The following SUPT3H variants were observed in gnomAD, a reference collection of about 807,000 sequenced individuals.
SUPT3H encodes the protein SPT3 homolog, SAGA and STAGA complex component, also known as transcription initiation protein SPT3 homolog.
In SUPT3H, 44 loss-of-function variants were observed where a neutral mutation model predicts 44.3. The ratio of observed to expected loss-of-function variants is 0.99; its 90% CI spans 0.78 to 1.28. The LOEUF is 1.28. SUPT3H is among the 50% of genes most tolerant of loss of function. The pLI, the probability that SUPT3H is intolerant of heterozygous loss-of-function variation, is 0.00. For missense variants in SUPT3H, 380 were observed against 387.1 expected, an observed-to-expected ratio of 0.98 and a Z score of 0.15; for synonymous variants, 124 against 125.6, an observed-to-expected ratio of 0.99 and a Z score of 0.09.
chr6:45,101,572 G>A (rs570062840), intron 3 of SUPT3H, among the ~76,000 whole-genome samples: 1 of 152,244 alleles, frequency 6.6e-6, no homozygotes, highest in East Asian at 1.9e-4. Context: ...AATTTCTCGG[G>A]TTCCATAGCA....
chr6:45,051,870 G>A (rs913313855), intron 3 of SUPT3H, among the ~76,000 whole-genome samples: 4 of 152,186 alleles, frequency 2.6e-5, no homozygotes, highest in African/African-American at 9.7e-5. Flanking sequence ...TTACACAGGA[G>A]TTGCAGTCAT....
downstream of SUPT3H, among the ~76,000 whole-genome samples, chr6:44,823,395 G>A (rs997233481): frequency 6.6e-6 from 1 of 152,120 alleles, no homozygotes; most frequent in African/African-American, 2.4e-5. Context: ...ACCTAGGAAA[G>A]AAGAGGCAGA....
chr6:45,219,874 A>G (rs558534267), intron 2 of SUPT3H, among the ~76,000 whole-genome samples: 2 of 151,860 alleles, frequency 1.3e-5, no homozygotes, highest in Non-Finnish European at 2.9e-5. Flanking sequence ...CCCTGTCTCC[A>G]TTAAAAATAA....
At chr6:44,988,375 A>T (rs2153495159) in intron 6 of SUPT3H, among the ~76,000 whole-genome samples, 1 of 151,858 alleles carries the variant, frequency 6.6e-6, no homozygotes, top group East Asian at 1.9e-4. Flanking sequence ...CAACAAAACA[A>T]CTAAAATACC....
chr6:45,139,002 T>C (rs1583776466), intron 2 of SUPT3H, among the ~76,000 whole-genome samples: 2 of 152,190 alleles, frequency 1.3e-5, no homozygotes, highest in Non-Finnish European at 2.9e-5. Flanking sequence ...GGCACTGCTG[T>C]CATCTTAAAT....
chr6:45,101,119 C>T (rs1798509918), intron 3 of SUPT3H, among the ~76,000 whole-genome samples: 1 of 152,142 alleles, frequency 6.6e-6, no homozygotes, highest in African/African-American at 2.4e-5. Context: ...CATGTTCTCA[C>T]TGATACATGA....
chr6:45,219,516 G>A (rs993497582), intron 2 of SUPT3H, among the ~76,000 whole-genome samples: 3 of 152,048 alleles, frequency 2.0e-5, no homozygotes, highest in African/African-American at 7.2e-5. Flanking sequence ...TTAGACTTAC[G>A]AATCTGACAA....
At chr6:45,363,001 G>C (rs76333979) in intron 2 of SUPT3H, among the ~76,000 whole-genome samples, 3,493 of 151,650 alleles carry the variant, frequency 0.023, 84 homozygotes, top group Non-Finnish European at 0.039. Flanking sequence ...AATTTTGGTA[G>C]GTACATAGGT....
At position 45,181,333 on chromosome 6, in the gene SUPT3H, G is replaced by A. The variant is rs371472141; in HGVS notation, c.102-75327C>T. Among the ~76,000 whole-genome samples the A allele has an allele frequency of 2.5e-3, 384 of 150,834 alleles. 3 individuals are homozygous for A. Among genetic ancestry groups the A allele is most frequent in the African/African-American group, 8.7e-3 (354 of 40,674 alleles). On this transcript the variant is annotated intron_variant, in intron 2 of 10. Coordinates refer to ENST00000371459, the MANE Select transcript of SUPT3H (RefSeq NM_003599.4). ...CGATTCCTCAGGGATCTAGAACTAG[G>A]AATACCATTTGACCCAGCCATCCCA...
At chr6:44,877,861 T>C (rs887089878) in intron 10 of SUPT3H, among the ~76,000 whole-genome samples, 2 of 152,254 alleles carry the variant, frequency 1.3e-5, no homozygotes, top group Non-Finnish European at 2.9e-5. Context: ...AGTTCTGCAC[T>C]GTGATGTTGG....
intron 2 of SUPT3H, among the ~76,000 whole-genome samples, chr6:45,182,553 C>T (rs1260359929): frequency 6.6e-6 from 1 of 152,222 alleles, no homozygotes; most frequent in Non-Finnish European, 1.5e-5. Flanking sequence ...TGAGCCACCG[C>T]ACCTGGCCTG....
chr6:45,016,254 C>T (rs1385390139), intron 4 of SUPT3H, among the ~76,000 whole-genome samples: 1 of 151,990 alleles, frequency 6.6e-6, no homozygotes, highest in Non-Finnish European at 1.5e-5. Context: ...TCTTATGGGA[C>T]TACTGCTGTA....
chr6:44,823,521 C>G (rs929145010), downstream of SUPT3H, among the ~76,000 whole-genome samples: 3 of 152,200 alleles, frequency 2.0e-5, no homozygotes, highest in Non-Finnish European at 2.9e-5. Flanking sequence ...CCATAGGGAC[C>G]TTCCTCTGTG....
At chr6:44,914,927 T>C (rs933532013) in intron 10 of SUPT3H, among the ~76,000 whole-genome samples, 21 of 152,084 alleles carry the variant, frequency 1.4e-4, no homozygotes, top group Admixed American at 1.2e-3. Flanking sequence ...TAGGACTAGA[T>C]CCAAAAGGAG....
intron 6 of SUPT3H, among the ~76,000 whole-genome samples, chr6:44,987,899 A>AAAGGTTTAAATAATCATTAAGT (rs1780041897): frequency 6.6e-6 from 1 of 152,102 alleles, no homozygotes; most frequent in Non-Finnish European, 1.5e-5. Context: ...GAAGAGAGGA[A>AAAGGTTTAAATAATCATTAAGT]AAGGTTTAAA....
chr6:45,197,863 A>G (rs2153623279), intron 2 of SUPT3H: 1 of 169,784 alleles, frequency 5.9e-6, no homozygotes, highest in South Asian at 1.9e-4. Flanking sequence ...TAATCACCAA[A>G]AAAACCCAAA....
intron 3 of SUPT3H, among the ~76,000 whole-genome samples, chr6:45,080,463 A>C (rs1795640572): frequency 6.6e-6 from 1 of 152,150 alleles, no homozygotes; most frequent in Non-Finnish European, 1.5e-5. Context: ...AAGGAAATCA[A>C]TATATTGAAA....
intron 2 of SUPT3H, among the ~76,000 whole-genome samples, chr6:45,311,957 T>C (rs1483518780): frequency 6.6e-6 from 1 of 152,044 alleles, no homozygotes; most frequent in Admixed American, 6.6e-5. Context: ...ACATGATGAA[T>C]GCAAGGGTAC....
At chr6:44,997,403 AT>A (rs1781410293) in intron 6 of SUPT3H, among the ~76,000 whole-genome samples, 6 of 151,520 alleles carry the variant, frequency 4.0e-5, no homozygotes, top group South Asian at 4.2e-4. Context: ...TCTCCAAATA[AT>A]TTTTTTCTTG....
Sources: gnomAD v4.1 joint callset for allele counts (sites outside exome capture counted in the v4.1 genomes callset) on GRCh38, gnomAD v4.1.1 for gene constraint, MANE v1.5 for transcripts, NCBI Gene and HGNC (gene_info 2026-07-23, HGNC 2026-07-21) for gene names.